ARG2: variants seen among roughly 807,000 people sequenced by gnomAD.
The protein encoded by ARG2 is arginase 2, also known as arginase-2, mitochondrial.
A neutral mutation model predicts 39.4 loss-of-function variants in ARG2; 21 were observed. That is an observed-to-expected ratio of 0.53 (90% CI 0.38 to 0.77). The LOEUF is 0.77. Ranked by LOEUF, ARG2 falls within the 30% of genes least tolerant of loss-of-function variation. The pLI is 0.00. For missense variants in ARG2, 378 were observed against 426.2 expected (o/e 0.89, Z 1.00); for synonymous variants, 150 against 156.7 (o/e 0.96, Z 0.32).
chr14:67,648,120 C>T lies in ARG2; in HGVS notation c.796C>T (p.Pro266Ser). The T allele has an allele frequency of 6.2e-7, 1 of 1,614,026 alleles. No homozygotes were observed. The highest frequency in any genetic ancestry group is 8.5e-7 in the Non-Finnish European group (1 of 1,179,924). ...TACACTGGCTCCAGCCACAGGAACT[C>T]CTGTTGTCGGGGGACTAACCTATCG... is the stretch of plus-strand genomic sequence containing the variant. ...DPTLAPATGTPVVGGLTYREG... is the reference protein window; with the variant it reads ...DPTLAPATGTSVVGGLTYREG... The change falls in exon 7 of 8, where the codon CCT becomes TCT. Residue 266 changes from proline (P) to serine (S), a missense_variant. Physicochemically the swap from Pro to Ser is moderately conservative, Grantham distance 74. Coordinates refer to ENST00000261783, the MANE Select transcript of ARG2 (RefSeq NM_001172.4).
intron 2 of ARG2, among the ~76,000 whole-genome samples, chr14:67,621,895 G>A (rs910231800): frequency 2.6e-5 from 4 of 151,542 alleles, no homozygotes; most frequent in Admixed American, 1.3e-4. Context: ...TCAGGAGTTC[G>A]AGACCAGCCT....
At chr14:67,645,562 A>G (rs1393287065) in intron 3 of ARG2, 81 bp from the exon 4 acceptor site, 1 of 1,497,530 alleles carries the variant, frequency 6.7e-7, no homozygotes, top group East Asian at 2.3e-5. Flanking sequence ...GAGAGAGTAT[A>G]AGTTGTTTTG....
chr14:67,641,777 A>C (rs906521677), intron 2 of ARG2, among the ~76,000 whole-genome samples: 4 of 152,272 alleles, frequency 2.6e-5, no homozygotes, highest in African/African-American at 9.6e-5. Context: ...CCATTTCTAC[A>C]AAAAGAAAGT....
At position 67,651,092 on chromosome 14, in the gene ARG2, A is replaced by G; in HGVS notation, c.*172A>G. 2.1e-6 allele frequency: 2 copies of G among 931,268 alleles called. No individual in the cohort carries two copies. The highest frequency in any genetic ancestry group is 3.2e-6 in the Non-Finnish European group (2 of 629,760). The allele number at this position is 931,268 out of a possible 1,614,324, so 57.7% of individuals were successfully genotyped here. On this transcript the variant is annotated 3_prime_UTR_variant, in exon 8 of 8. Transcript: ENST00000261783. ...TATTTTGGTGACCAATACTACTGTAAATGTATTTGGTTTTTTGCAGTTCAC... is the reference window on the plus strand; with the variant it reads ...TATTTTGGTGACCAATACTACTGTAGATGTATTTGGTTTTTTGCAGTTCAC...
At chr14:67,627,659 G>GCATA (rs767452203) in intron 2 of ARG2, among the ~76,000 whole-genome samples, 2 of 152,166 alleles carry the variant, frequency 1.3e-5, no homozygotes, top group Non-Finnish European at 2.9e-5. Flanking sequence ...ACTTAGCAAG[G>GCATA]CATAGTGGCT....
At chr14:67,638,362 A>G (rs2140755699) in intron 2 of ARG2, among the ~76,000 whole-genome samples, 1 of 120,490 alleles carries the variant, frequency 8.3e-6, no homozygotes, top group African/African-American at 3.7e-5. Context: ...TGTCTCTACA[A>G]ATAATCCAAA....
intron 2 of ARG2, 110 bp downstream of exon 2, chr14:67,621,076 C>A: frequency 1.0e-6 from 1 of 985,512 alleles, no homozygotes; most frequent in African/African-American, 1.6e-5. Flanking sequence ...AACAGTCTGC[C>A]ACATCCCGCA....
chr14:67,625,610 G>A (rs1364648414), intron 2 of ARG2, among the ~76,000 whole-genome samples: 1 of 150,516 alleles, frequency 6.6e-6, no homozygotes, highest in Non-Finnish European at 1.5e-5. Flanking sequence ...AACCTGGGAG[G>A]CGGAGGTTGT....
At position 67,642,194 on chromosome 14, in the gene ARG2, C is replaced by G. The variant is rs1165030542; in HGVS notation, c.193C>G (p.Leu65Val). The G allele has an allele frequency of 2.5e-6, 4 of 1,613,814 alleles. No individual in the cohort carries two copies. The South Asian group carries it at 4.4e-5, about 18-fold the overall frequency. The part of the protein sequence containing the change: ...MKRLSSLGCH[L>V]KDFGDLSFTP... Reference sequence around the variant, plus strand: ...CCCTCATTTGCTTCCAGGCTGCCACCTAAAAGACTTTGGAGATTTGAGTTT... The same window carrying G: ...CCCTCATTTGCTTCCAGGCTGCCACGTAAAAGACTTTGGAGATTTGAGTTT... Residue 65 changes from leucine (L) to valine (V), a missense_variant, in exon 3 of 8, where the codon CTA (leucine) becomes GTA (valine). Leu to Val is a conservative substitution (Grantham distance 32). Transcript: ENST00000261783.
intron 1 of ARG2, 76 bp from the exon 2 acceptor site, chr14:67,620,818 G>T: frequency 2.0e-6 from 3 of 1,466,798 alleles, no homozygotes; most frequent in Non-Finnish European, 2.9e-6. Context: ...GGAACCTGCT[G>T]GGAACTAAAT....
chr14:67,641,277 A>G (rs1010972250), intron 2 of ARG2, among the ~76,000 whole-genome samples: 5 of 152,224 alleles, frequency 3.3e-5, no homozygotes, highest in African/African-American at 1.2e-4. Flanking sequence ...CATCCCTAAG[A>G]TATCTCAATA....
chr14:67,632,889 C>T (rs12590620), intron 2 of ARG2, among the ~76,000 whole-genome samples: 5 of 133,232 alleles, frequency 3.8e-5, no homozygotes, highest in Admixed American at 8.5e-5. Context: ...GGCGTGATCT[C>T]GGCTCACTGC....
At chr14:67,636,869 A>G (rs1183964536) in intron 2 of ARG2, among the ~76,000 whole-genome samples, 1 of 152,218 alleles carries the variant, frequency 6.6e-6, no homozygotes, top group East Asian at 1.9e-4. Flanking sequence ...TTGTCCTACA[A>G]TGTCCTCTTA....
chr14:67,651,315 T>C lies in ARG2; in HGVS notation c.*395T>C, dbSNP rs748150354. 9 of 1,609,690 alleles carry C rather than the reference T, an allele frequency of 5.6e-6. No homozygotes were observed. In the Admixed American group the frequency reaches 1.5e-4, roughly 27 times the overall value. ...GCCCACAGCAGCAATATGCTTATTCTATCCACATCCCTAACATCATGCATT... is the reference window on the plus strand; with the variant it reads ...GCCCACAGCAGCAATATGCTTATTCCATCCACATCCCTAACATCATGCATT... On this transcript the variant is annotated 3_prime_UTR_variant, in exon 8 of 8. Coordinates refer to ENST00000261783, the MANE Select transcript of ARG2 (RefSeq NM_001172.4).
At chr14:67,647,275 C>T in intron 6 of ARG2, 1 of 391,430 alleles carries the variant, frequency 2.6e-6, no homozygotes. Context: ...ATCTTTAATG[C>T]TTATCTTCTG....
intron 5 of ARG2, 42 bp downstream of exon 5, chr14:67,646,780 C>A (rs761508097): frequency 1.3e-6 from 2 of 1,532,992 alleles, no homozygotes; most frequent in Non-Finnish European, 1.8e-6. Flanking sequence ...CCTGTCCTAG[C>A]CAATTATGTT....
At chr14:67,646,276 T>TGGCA (rs912847250) in intron 4 of ARG2, among the ~76,000 whole-genome samples, 6 of 152,216 alleles carry the variant, frequency 3.9e-5, no homozygotes, top group Admixed American at 3.9e-4. Flanking sequence ...TGTCGGCTGT[T>TGGCA]GGCAACTTGA....
At chr14:67,620,336 C>T (rs1469213233) in intron 1 of ARG2, among the ~76,000 whole-genome samples, 3 of 152,004 alleles carry the variant, frequency 2.0e-5, no homozygotes, top group Admixed American at 6.6e-5. Flanking sequence ...TTTCTGCGGC[C>T]TCCCCAGAAA....
chr14:67,648,075 G>T lies in ARG2; in HGVS notation c.751G>T (p.Asp251Tyr), dbSNP rs755986438. The change falls in exon 7 of 8, where the codon GAT (aspartate) becomes TAT (tyrosine). Residue 251 changes from aspartate (D) to tyrosine (Y), a missense_variant. Asp to Tyr is a radical substitution (Grantham distance 160, BLOSUM62 -3). Coordinates refer to ENST00000261783, the MANE Select transcript of ARG2 (RefSeq NM_001172.4). Reference sequence around the variant, plus strand: ...ACAAAGACCAATCCATTTGAGTTTTGATATTGATGCATTTGACCCTACACT... The same window carrying T: ...ACAAAGACCAATCCATTTGAGTTTTTATATTGATGCATTTGACCCTACACT... ...KRQRPIHLSF[D>Y]IDAFDPTLAP... 1.9e-6 allele frequency: 3 copies of T among 1,613,270 alleles called. No individual in the cohort carries two copies. The highest frequency in any genetic ancestry group is 2.7e-5 in the African/African-American group (2 of 74,850).
Sources: allele counts gnomAD v4.1 joint callset (sites outside exome capture counted in the v4.1 genomes callset), GRCh38; gene constraint gnomAD v4.1.1; transcripts MANE v1.5; gene names NCBI Gene and HGNC (gene_info 2026-07-23, HGNC 2026-07-21).